ANKS1B: variants seen among roughly 807,000 people sequenced by gnomAD.
ANKS1B encodes ankyrin repeat and sterile alpha motif domain-containing protein 1B.
ANKS1B carries 36 observed loss-of-function variants against 148.3 expected under a neutral mutation model. That is an observed-to-expected ratio of 0.24 (90% CI 0.19 to 0.32). ANKS1B has a LOEUF of 0.32. ANKS1B is among the 10% of genes least tolerant of loss of function. ANKS1B has a pLI of 1.00. For synonymous variants in ANKS1B, 542 were observed against 560.8 expected, an observed-to-expected ratio of 0.97 and a Z score of 0.47; for missense variants, 1,157 against 1,542.6, an observed-to-expected ratio of 0.75 and a Z score of 4.19.
intron 8 of ANKS1B, among the ~76,000 whole-genome samples, chr12:99,756,983 C>CCA (rs1298855844): frequency 8.2e-5 from 10 of 121,262 alleles, no homozygotes; most frequent in South Asian, 3.4e-4. Context: ...ATACCCAAAA[C>CCA]TATAAAAAAA....
chr12:99,043,250 A>C (rs944384679), intron 17 of ANKS1B, among the ~76,000 whole-genome samples: 2 of 152,234 alleles, frequency 1.3e-5, no homozygotes, highest in African/African-American at 4.8e-5. Context: ...ACTGTTATTC[A>C]AATTAATCTA....
intron 12 of ANKS1B, among the ~76,000 whole-genome samples, chr12:99,318,025 G>A (rs1292940584): frequency 2.0e-5 from 3 of 152,134 alleles, no homozygotes; most frequent in Non-Finnish European, 4.4e-5. Context: ...CCACTTGATC[G>A]TGGTGGATAA....
At chr12:99,338,921 C>T (rs1566922151) in intron 12 of ANKS1B, among the ~76,000 whole-genome samples, 2 of 152,062 alleles carry the variant, frequency 1.3e-5, no homozygotes, top group African/African-American at 4.8e-5. Context: ...GATGAAGTCC[C>T]CTTTACTCTC....
At chr12:99,222,125 A>T (rs1355829809) in intron 14 of ANKS1B, among the ~76,000 whole-genome samples, 2 of 152,180 alleles carry the variant, frequency 1.3e-5, no homozygotes, top group African/African-American at 2.4e-5. Flanking sequence ...TTTTTTATAT[A>T]GCTTAAAAAT....
At chr12:99,670,859 T>G (rs1033373853) in intron 8 of ANKS1B, among the ~76,000 whole-genome samples, 2 of 152,072 alleles carry the variant, frequency 1.3e-5, no homozygotes, top group Admixed American at 1.3e-4. Context: ...TTGCTGTGTC[T>G]GGCAAATGAG....
Position 99,503,864 on chromosome 12 carries a change from C to T in ANKS1B, c.1438+612G>A, listed in dbSNP as rs550422882. On this transcript the variant is annotated intron_variant, in intron 10 of 26. Coordinates refer to ENST00000683438, the MANE Select transcript of ANKS1B (RefSeq NM_001352186.2). ...ACTTGAAAATTTCCTCCTTCATTAG[C>T]TTTCATATAATCACTCTGTATTCTT... Among the ~76,000 whole-genome samples the T allele has an allele frequency of 9.3e-4, 141 of 152,104 alleles. 1 individual carries two copies. The highest frequency in any genetic ancestry group is 3.4e-3 in the African/African-American group (140 of 41,508).
At chr12:99,770,312 T>C (rs1259799524) in intron 8 of ANKS1B, among the ~76,000 whole-genome samples, 2 of 151,814 alleles carry the variant, frequency 1.3e-5, no homozygotes, top group African/African-American at 2.4e-5. Context: ...CTCCTTAGGA[T>C]AGGTGTTTTG....
At chr12:99,749,625 G>GAT (rs1321698096) in intron 8 of ANKS1B, among the ~76,000 whole-genome samples, 1 of 152,014 alleles carries the variant, frequency 6.6e-6, no homozygotes, top group Non-Finnish European at 1.5e-5. Context: ...TCTAAATATG[G>GAT]ATATATGGGT....
chr12:98,899,484 T>A (rs1195732553), intron 17 of ANKS1B, among the ~76,000 whole-genome samples: 1 of 152,230 alleles, frequency 6.6e-6, no homozygotes, highest in Non-Finnish European at 1.5e-5. Flanking sequence ...CTATAGTCAG[T>A]TGACTTTAAC....
At chr12:99,216,430 T>C (rs1051561581) in intron 14 of ANKS1B, among the ~76,000 whole-genome samples, 1 of 152,238 alleles carries the variant, frequency 6.6e-6, no homozygotes, top group African/African-American at 2.4e-5. Flanking sequence ...CTTTTATTTG[T>C]TAAAACGTTA....
At chr12:98,981,123 T>C (rs2099909607) in intron 17 of ANKS1B, among the ~76,000 whole-genome samples, 1 of 151,206 alleles carries the variant, frequency 6.6e-6, no homozygotes, top group South Asian at 2.1e-4. Flanking sequence ...CTAGGCAACA[T>C]AGTGAGACTC....
chr12:98,794,559 T>C (rs974003338), intron 22 of ANKS1B: 7 of 718,230 alleles, frequency 9.7e-6, no homozygotes, highest in Non-Finnish European at 1.8e-5. Context: ...TCCGCAATGA[T>C]TGCAAGGTGT....
chr12:98,798,401 G>A lies in ANKS1B; in HGVS notation c.3342+533C>T, dbSNP rs547215234. On this transcript the variant is annotated intron_variant, in intron 22 of 26. Coordinates refer to ENST00000683438, the MANE Select transcript of ANKS1B (RefSeq NM_001352186.2). ...CTCCCAAAGTGCTGGGATTACAGAC[G>A]TGAGCCACTGTGCCCGGCCTGGAAT... Among the ~76,000 whole-genome samples, 4 of 151,774 alleles carry A rather than the reference G, an allele frequency of 2.6e-5. No individual in the cohort carries two copies. In the East Asian group the frequency reaches 5.8e-4, roughly 22 times the overall value.
chr12:99,891,610 G>A (rs969782376), intron 1 of ANKS1B, among the ~76,000 whole-genome samples: 5 of 152,092 alleles, frequency 3.3e-5, no homozygotes, highest in African/African-American at 1.2e-4. Flanking sequence ...ATCTTCTTCA[G>A]TGAAATGTCT....
At chr12:98,781,252 A>G in intron 23 of ANKS1B, 49 bp from the exon 24 acceptor site, 2 of 1,128,424 alleles carry the variant, frequency 1.8e-6, no homozygotes, top group Non-Finnish European at 1.3e-6. Flanking sequence ...TTGCGTGGCA[A>G]CTGAAGCACA....
In ANKS1B at chr12:99,711,660, C is replaced by T. The variant is rs1460874487; in HGVS notation, c.1129-56450G>A. Reference sequence around the variant, plus strand: ...AACCACAATGAGATACCATCTCGCACCAATCAGAATGGCTATTATTAAAAA... The same window carrying T: ...AACCACAATGAGATACCATCTCGCATCAATCAGAATGGCTATTATTAAAAA... On this transcript the variant is annotated intron_variant, in intron 8 of 26. Transcript: ENST00000683438. Among the ~76,000 whole-genome samples the T allele has an allele frequency of 4.6e-5, 7 of 152,022 alleles. No homozygotes were observed. In the East Asian group the frequency reaches 9.6e-4, roughly 21 times the overall value.
At chr12:99,195,887 A>T (rs2081328257) in intron 14 of ANKS1B, among the ~76,000 whole-genome samples, 1 of 152,148 alleles carries the variant, frequency 6.6e-6, no homozygotes, top group Non-Finnish European at 1.5e-5. Context: ...TTAAGGCGCA[A>T]GAAAATATTT....
chr12:99,694,690 A>G (rs77687216), intron 8 of ANKS1B, among the ~76,000 whole-genome samples: 5,296 of 152,292 alleles, frequency 0.035, 341 homozygotes, highest in African/African-American at 0.12. Flanking sequence ...TAAGACTAAA[A>G]TTGTAAAGAG....
At chr12:98,949,993 T>C (rs1203708257) in intron 17 of ANKS1B, 1 of 152,216 alleles carries the variant, frequency 6.6e-6, no homozygotes, top group African/African-American at 2.4e-5. Flanking sequence ...CTAGAACCTA[T>C]AGTTACATGC....
Sources: gnomAD v4.1 joint callset for allele counts (sites outside exome capture counted in the v4.1 genomes callset) on GRCh38, gnomAD v4.1.1 for gene constraint, MANE v1.5 for transcripts, NCBI Gene and HGNC (gene_info 2026-07-23, HGNC 2026-07-21) for gene names.